The following ANKS1B variants were observed in gnomAD, a reference collection of about 807,000 sequenced individuals.
The protein encoded by ANKS1B is ankyrin repeat and sterile alpha motif domain-containing protein 1B.
In ANKS1B, 36 loss-of-function variants were observed where a neutral mutation model predicts 148.3. The ratio of observed to expected loss-of-function variants is 0.24; its 90% confidence interval spans 0.19 to 0.32. The LOEUF is 0.32. ANKS1B is among the 10% of genes least tolerant of loss of function. The probability of loss-of-function intolerance (pLI) is 1.00; values close to 1 mark genes in which losing one functional copy is unlikely to be tolerated. For missense variants in ANKS1B, 1,157 were observed against 1,542.6 expected, an observed-to-expected ratio of 0.75 and a Z score of 4.19; for synonymous variants, 542 against 560.8, an observed-to-expected ratio of 0.97 and a Z score of 0.47.
chr12:99,816,411 T>C (rs1209884413), intron 2 of ANKS1B, among the ~76,000 whole-genome samples: 1 of 151,810 alleles, frequency 6.6e-6, no homozygotes, highest in Non-Finnish European at 1.5e-5. Flanking sequence ...GCAAATATTT[T>C]CTCCCACTCT....
At chr12:99,877,049 G>A (rs2092139273) in intron 1 of ANKS1B, among the ~76,000 whole-genome samples, 2 of 151,972 alleles carry the variant, frequency 1.3e-5, no homozygotes, top group Non-Finnish European at 2.9e-5. Context: ...CTGATATACT[G>A]GTATCCTACA....
chr12:99,118,934 C>T (rs1228902566), intron 15 of ANKS1B, among the ~76,000 whole-genome samples: 5 of 152,078 alleles, frequency 3.3e-5, no homozygotes, highest in Admixed American at 6.5e-5. Context: ...ACAACAATAG[C>T]AGCAAAACAG....
chr12:99,941,822 A>G (rs2094927226), intron 1 of ANKS1B, among the ~76,000 whole-genome samples: 1 of 152,204 alleles, frequency 6.6e-6, no homozygotes, highest in Admixed American at 6.5e-5. Context: ...GGGAGAAGTC[A>G]ATGCCTCTCT....
intron 17 of ANKS1B, among the ~76,000 whole-genome samples, chr12:99,005,910 C>A (rs1182348137): frequency 6.6e-6 from 1 of 152,142 alleles, no homozygotes; most frequent in Non-Finnish European, 1.5e-5. Context: ...CATAGCAACT[C>A]TTCCTGGGAA....
chr12:99,557,072 C>T (rs2097284426), intron 9 of ANKS1B, among the ~76,000 whole-genome samples: 1 of 152,110 alleles, frequency 6.6e-6, no homozygotes, highest in Admixed American at 6.5e-5. Flanking sequence ...TTGTAGGTGA[C>T]CTGTCCCTTT....
At chr12:99,648,732 C>A in intron 9 of ANKS1B, 1 of 1,613,872 alleles carries the variant, frequency 6.2e-7, no homozygotes, top group Non-Finnish European at 8.5e-7. Context: ...CCAGGGCTAT[C>A]CTAGCTGGGA....
chr12:99,026,277 G>A (rs752750518), intron 17 of ANKS1B, among the ~76,000 whole-genome samples: 14 of 152,036 alleles, frequency 9.2e-5, no homozygotes, highest in Non-Finnish European at 1.5e-4. Flanking sequence ...TCTCTATTTC[G>A]CCATTCTGAA....
intron 4 of ANKS1B, among the ~76,000 whole-genome samples, chr12:99,802,799 C>A (rs1377892096): frequency 6.6e-6 from 1 of 151,680 alleles, no homozygotes; most frequent in Non-Finnish European, 1.5e-5. Flanking sequence ...TATAGTCCCA[C>A]CTACTCAGGA....
At chr12:98,838,922 C>T (rs535763216) in intron 17 of ANKS1B, among the ~76,000 whole-genome samples, 3 of 152,368 alleles carry the variant, frequency 2.0e-5, no homozygotes, top group African/African-American at 7.2e-5. Flanking sequence ...AATTTCTAAA[C>T]ACTTTCCACC....
intron 17 of ANKS1B, among the ~76,000 whole-genome samples, chr12:99,034,453 C>T (rs1318961253): frequency 6.6e-6 from 1 of 152,042 alleles, no homozygotes; most frequent in Non-Finnish European, 1.5e-5. Context: ...GTAGCTGGGA[C>T]CATAGGCGTG....
chr12:99,688,095 T>A (rs1158595188), intron 8 of ANKS1B, among the ~76,000 whole-genome samples: 11 of 152,340 alleles, frequency 7.2e-5, no homozygotes, highest in Admixed American at 2.0e-4. Flanking sequence ...CCTTGTATCT[T>A]ACAATTTAGG....
chr12:98,740,850 G>C (rs1174871693), downstream of ANKS1B, among the ~76,000 whole-genome samples: 1 of 152,174 alleles, frequency 6.6e-6, no homozygotes, highest in Non-Finnish European at 1.5e-5. Flanking sequence ...GCCTTATTCA[G>C]CTGGACAATG....
intron 1 of ANKS1B, among the ~76,000 whole-genome samples, chr12:99,917,427 A>G (rs532438147): frequency 4.6e-5 from 7 of 152,198 alleles, no homozygotes; most frequent in African/African-American, 1.7e-4. Flanking sequence ...AAAAGCATAT[A>G]CTCCCTCTCA....
At chr12:99,805,262 G>GAAAAAAAAAAAAAAA (rs1567880890) in intron 4 of ANKS1B, among the ~76,000 whole-genome samples, 1 of 8,306 alleles carries the variant, frequency 1.2e-4, no homozygotes, top group African/African-American at 5.8e-4. Flanking sequence ...GGAGGAAAAG[G>GAAAAAAAAAAAAAAA]CAAAAAAAAA....
downstream of ANKS1B, among the ~76,000 whole-genome samples, chr12:98,741,138 T>C (rs2097796584): frequency 6.6e-6 from 1 of 152,236 alleles, no homozygotes; most frequent in Non-Finnish European, 1.5e-5. Context: ...TCTTTGCTAC[T>C]AGTTCTTTAG....
chr12:99,368,077 A>T (rs1016276236), intron 12 of ANKS1B, among the ~76,000 whole-genome samples: 2 of 152,204 alleles, frequency 1.3e-5, no homozygotes, highest in Non-Finnish European at 2.9e-5. Flanking sequence ...TTGGCAAAGC[A>T]TTCTGATTAT....
At chr12:99,100,427 TG>T (rs1366538238) in intron 15 of ANKS1B, among the ~76,000 whole-genome samples, 1 of 152,200 alleles carries the variant, frequency 6.6e-6, no homozygotes, top group Non-Finnish European at 1.5e-5. Flanking sequence ...ACTTTAAGTA[TG>T]GAGAATTCAA....
At chr12:99,439,114 T>A (rs930154419) in intron 11 of ANKS1B, among the ~76,000 whole-genome samples, 4 of 151,616 alleles carry the variant, frequency 2.6e-5, no homozygotes, top group African/African-American at 4.8e-5. Context: ...TAAATAACAA[T>A]TTTTTTCCTT....
intron 10 of ANKS1B, among the ~76,000 whole-genome samples, chr12:99,444,076 A>C (rs1486182029): frequency 6.6e-6 from 1 of 151,996 alleles, no homozygotes; most frequent in East Asian, 1.9e-4. Context: ...TAGATTATCC[A>C]GCATAGCTCT....
Sources: allele counts gnomAD v4.1 joint callset (sites outside exome capture counted in the v4.1 genomes callset), GRCh38; gene constraint gnomAD v4.1.1; transcripts MANE v1.5; gene names NCBI Gene and HGNC (gene_info 2026-07-23, HGNC 2026-07-21).